The following DNAJC1 variants were observed in gnomAD, a reference collection of about 807,000 sequenced individuals.
DNAJC1 encodes DnaJ heat shock protein family (Hsp40) member C1, also known as dnaJ homolog subfamily C member 1.
In DNAJC1, 58 loss-of-function variants were observed where a neutral mutation model predicts 76.6. The ratio of observed to expected loss-of-function variants is 0.76; its 90% CI spans 0.61 to 0.94. The LOEUF is 0.94. Among genes scored for constraint, DNAJC1 ranks in the 40% least tolerant of loss-of-function variants. The probability of loss-of-function intolerance (pLI) is 0.00; values close to 1 mark genes in which losing one functional copy is unlikely to be tolerated. For synonymous variants in DNAJC1, 258 were observed against 267.9 expected, an observed-to-expected ratio of 0.96 and a Z score of 0.36; for missense variants, 689 against 677.3, an observed-to-expected ratio of 1.02 and a Z score of -0.19.
At chr10:21,870,830 AAGAC>A (rs1249462829) in intron 8 of DNAJC1, among the ~76,000 whole-genome samples, 4 of 151,982 alleles carry the variant, frequency 2.6e-5, no homozygotes, top group African/African-American at 9.7e-5. Flanking sequence ...GACAGACAGA[AAGAC>A]AGACATATGA....
At chr10:21,968,503 TC>T (rs1465423897) in intron 1 of DNAJC1, among the ~76,000 whole-genome samples, 55 of 150,758 alleles carry the variant, frequency 3.6e-4, no homozygotes, top group African/African-American at 1.3e-3. Context: ...TCATGACATA[TC>T]TTTTTTTTTT....
intron 6 of DNAJC1, among the ~76,000 whole-genome samples, chr10:21,908,010 T>C (rs1009288122): frequency 2.5e-5 from 2 of 80,642 alleles, no homozygotes; most frequent in Admixed American, 1.8e-4. Flanking sequence ...ATATATTATA[T>C]ATAATAATAT....
intron 1 of DNAJC1, among the ~76,000 whole-genome samples, chr10:22,001,904 G>A (rs942361914): frequency 2.0e-5 from 3 of 152,192 alleles, no homozygotes; most frequent in Non-Finnish European, 4.4e-5. Context: ...GATATATAGT[G>A]TATCTATAAG....
In DNAJC1 at chr10:21,893,575, C is replaced by T. The variant is rs145195549; in HGVS notation, c.820+10947G>A. On this transcript the variant is annotated intron_variant, in intron 7 of 11. Transcript: ENST00000376980. ...CCAGGGGGCGGAGGTTGCAGTGAGC[C>T]GAGATCACACCACTGCACTTCAGCC... Among the ~76,000 whole-genome samples, 581 of 150,608 alleles carry T rather than the reference C, an allele frequency of 3.9e-3. 4 individuals carry two copies. The highest frequency in any genetic ancestry group is 6.8e-3 in the Middle Eastern group (2 of 292).
chr10:21,787,046 G>C (rs1834620509), intron 9 of DNAJC1, among the ~76,000 whole-genome samples: 1 of 152,132 alleles, frequency 6.6e-6, no homozygotes, highest in Non-Finnish European at 1.5e-5. Flanking sequence ...ACAGAGTCTT[G>C]GCTGGGTGTG....
intron 7 of DNAJC1, among the ~76,000 whole-genome samples, chr10:21,903,412 T>G (rs1836691478): frequency 6.6e-6 from 1 of 151,978 alleles, no homozygotes; most frequent in Admixed American, 6.5e-5. Context: ...TCATTCTTAC[T>G]CCTTCTTAAC....
At chr10:21,901,061 GT>G (rs541369351) in intron 7 of DNAJC1, among the ~76,000 whole-genome samples, 12 of 152,260 alleles carry the variant, frequency 7.9e-5, no homozygotes, top group Admixed American at 7.8e-4. Context: ...ATCCTACAGG[GT>G]GTGTCCCTGA....
intron 6 of DNAJC1, among the ~76,000 whole-genome samples, chr10:21,907,792 C>T (rs867943641): frequency 6.6e-6 from 1 of 150,690 alleles, no homozygotes; most frequent in Non-Finnish European, 1.5e-5. Flanking sequence ...GCCTGGCCAA[C>T]ATGGTGAAGC....
intron 9 of DNAJC1, among the ~76,000 whole-genome samples, chr10:21,767,098 T>C (rs569605890): frequency 6.6e-6 from 1 of 152,160 alleles, no homozygotes; most frequent in South Asian, 2.1e-4. Flanking sequence ...TTGCAATCAG[T>C]GGGGAAAATG....
rs557339587 is a variant in DNAJC1, at chr10:21,905,510, G to A, written c.730-898C>T. On this transcript the variant is annotated intron_variant, in intron 6 of 11. Transcript: ENST00000376980. ...TGTACTTCCCTGGCATTATTCTGAT[G>A]AACTCTTATTAATCCCTGAAAACCC... Among the ~76,000 whole-genome samples, 12 of 152,154 alleles carry A rather than the reference G, an allele frequency of 7.9e-5. No homozygotes were observed. In the East Asian group the frequency reaches 2.3e-3, roughly 29 times the overall value.
chr10:21,783,792 GAAAT>G (rs1322113984), intron 9 of DNAJC1, among the ~76,000 whole-genome samples: 5 of 152,252 alleles, frequency 3.3e-5, no homozygotes, highest in African/African-American at 1.2e-4. Flanking sequence ...ACAAAAACAA[GAAAT>G]GGGGAAAGGA....
intron 1 of DNAJC1, among the ~76,000 whole-genome samples, chr10:21,950,226 C>T (rs1401191292): frequency 2.0e-5 from 3 of 152,076 alleles, no homozygotes; most frequent in Non-Finnish European, 2.9e-5. Context: ...GCATGTATTC[C>T]CTTCCTGTTT....
At chr10:21,822,447 AAATAAATAAATAAATG>A (rs1400132743) in intron 8 of DNAJC1, among the ~76,000 whole-genome samples, 5 of 5,576 alleles carry the variant, frequency 9.0e-4, no homozygotes, top group Non-Finnish European at 2.5e-3. Context: ...TCAAATAAAT[AAATAAATAAATAAATG>A]AATAATAAAA....
chr10:22,003,558 G>T lies in DNAJC1; in HGVS notation c.-124C>A. The T allele has an allele frequency of 8.4e-7, 1 of 1,185,624 alleles. No individual in the cohort carries two copies. Among genetic ancestry groups the T allele is most frequent in the Admixed American group, 4.3e-5 (1 of 23,168 alleles). 73.4% of individuals were successfully genotyped at this position (1,185,624 alleles called of 1,614,324 possible). A position where few individuals can be genotyped will look rare whatever the true frequency, so the allele number is the denominator to read the frequency against. ...GAAAAGCGCGGGCAGGCGCACCGGA[G>T]CGGCCCGCCAGGTGGCTGGCCCCAG... On this transcript the variant is annotated 5_prime_UTR_variant, in exon 1 of 12. Coordinates refer to ENST00000376980, the MANE Select transcript of DNAJC1 (RefSeq NM_022365.4).
intron 8 of DNAJC1, among the ~76,000 whole-genome samples, chr10:21,811,132 T>C (rs1834958113): frequency 6.6e-6 from 1 of 152,154 alleles, no homozygotes; most frequent in South Asian, 2.1e-4. Context: ...ATACACTCAC[T>C]CGGGACATAC....
At chr10:21,834,241 G>A (rs1459951625) in intron 8 of DNAJC1, among the ~76,000 whole-genome samples, 2 of 152,060 alleles carry the variant, frequency 1.3e-5, no homozygotes, top group African/African-American at 2.4e-5. Context: ...TCCAGCCTGG[G>A]CGACAGAGCA....
At chr10:21,773,534 T>C (rs886356683) in intron 9 of DNAJC1, among the ~76,000 whole-genome samples, 2 of 152,364 alleles carry the variant, frequency 1.3e-5, no homozygotes, top group African/African-American at 2.4e-5. Flanking sequence ...TTGACGTTTG[T>C]TGATGTCCTA....
chr10:21,898,533 T>C (rs1836583941), intron 7 of DNAJC1, among the ~76,000 whole-genome samples: 1 of 151,932 alleles, frequency 6.6e-6, no homozygotes, highest in Admixed American at 6.6e-5. Flanking sequence ...TATTAGGTTA[T>C]GTATTTACTA....
chr10:21,926,368 AAC>A (rs1384222863), intron 3 of DNAJC1, among the ~76,000 whole-genome samples: 2 of 152,062 alleles, frequency 1.3e-5, no homozygotes, highest in African/African-American at 4.8e-5. Flanking sequence ...TTTCAGAGAA[AAC>A]ACAATTATAT....
Sources: gnomAD v4.1 joint callset for allele counts (sites outside exome capture counted in the v4.1 genomes callset) on GRCh38, gnomAD v4.1.1 for gene constraint, MANE v1.5 for transcripts, NCBI Gene and HGNC (gene_info 2026-07-23, HGNC 2026-07-21) for gene names.